CDC42BPA: variants seen among roughly 807,000 people sequenced by gnomAD.
The protein encoded by CDC42BPA is serine/threonine-protein kinase MRCK alpha.
CDC42BPA carries 80 observed loss-of-function variants against 223.5 expected under a neutral mutation model. That is an observed-to-expected ratio of 0.36 (90% CI 0.30 to 0.43). CDC42BPA has a LOEUF of 0.43. Ranked by LOEUF, CDC42BPA falls within the 20% of genes least tolerant of loss-of-function variation. The pLI, the probability that CDC42BPA is intolerant of heterozygous loss-of-function variation, is 1.00. For missense variants in CDC42BPA, 1,743 were observed against 2,099.9 expected, an observed-to-expected ratio of 0.83 and a Z score of 3.32; for synonymous variants, 694 against 718.6, an observed-to-expected ratio of 0.97 and a Z score of 0.55.
intron 16 of CDC42BPA, among the ~76,000 whole-genome samples, chr1:227,088,178 C>T (rs1223031961): frequency 6.6e-6 from 1 of 152,150 alleles, no homozygotes; most frequent in Non-Finnish European, 1.5e-5. Context: ...AGTAGTTTAA[C>T]CCTTCTTTGA....
chr1:227,224,302 C>A (rs1676470898), intron 2 of CDC42BPA, among the ~76,000 whole-genome samples: 1 of 150,948 alleles, frequency 6.6e-6, no homozygotes, highest in South Asian at 2.1e-4. Flanking sequence ...GGTGCAGTCT[C>A]AGCTCACTGC....
At chr1:227,131,158 T>C (rs1657025607) in intron 10 of CDC42BPA, among the ~76,000 whole-genome samples, 1 of 152,164 alleles carries the variant, frequency 6.6e-6, no homozygotes, top group African/African-American at 2.4e-5. Flanking sequence ...AAATAGATAA[T>C]CCATCTAACA....
intron 1 of CDC42BPA, among the ~76,000 whole-genome samples, chr1:227,272,485 T>C (rs1686120912): frequency 6.6e-6 from 1 of 152,218 alleles, no homozygotes. Context: ...GAAATATATG[T>C]AATCTATGAT....
In CDC42BPA at chr1:227,112,387, T is replaced by C. The variant is rs1343100180; in HGVS notation, c.1926A>G (p.Ala642=). 3 of 1,607,014 alleles carry C rather than the reference T, an allele frequency of 1.9e-6. No individual in the cohort carries two copies. Among genetic ancestry groups the C allele is most frequent in the Admixed American group, 1.7e-5 (1 of 58,690 alleles). ...GTTCACGTAGCTTCCTGTCTTTAGA[T>C]GCTTCAGCAGCTAGAGCTTCTGTAT... The part of the protein sequence containing the change: ...EVHTEALAAE[A]SKDRKLREQS... The change falls in exon 14 of 37, where the codon GCA becomes GCG. Residue 642 remains alanine, a synonymous_variant. Transcript: ENST00000366766.
At chr1:227,053,340 GTAT>G (rs1673922311) in intron 21 of CDC42BPA, among the ~76,000 whole-genome samples, 1 of 152,154 alleles carries the variant, frequency 6.6e-6, no homozygotes, top group Non-Finnish European at 1.5e-5. Flanking sequence ...GCATGGAAAG[GTAT>G]TCTGGTAACC....
At chr1:227,010,072 C>A (rs1274041034) in intron 34 of CDC42BPA, among the ~76,000 whole-genome samples, 1 of 151,998 alleles carries the variant, frequency 6.6e-6, no homozygotes, top group Admixed American at 6.6e-5. Context: ...AGAAAATGTT[C>A]CCTTGAAGTT....
intron 23 of CDC42BPA, among the ~76,000 whole-genome samples, chr1:227,045,364 TC>T (rs1273624759): frequency 6.6e-6 from 1 of 152,240 alleles, no homozygotes; most frequent in African/African-American, 2.4e-5. Context: ...GTGGATGTGA[TC>T]TTTTTTAAAT....
intron 21 of CDC42BPA, among the ~76,000 whole-genome samples, chr1:227,060,064 C>T (rs1487801787): frequency 1.5e-5 from 2 of 136,434 alleles, no homozygotes; most frequent in African/African-American, 5.6e-5. Context: ...GGGAGTCTCG[C>T]TCTGTCGCCC....
At chr1:227,187,680 C>CA (rs1553383569) in intron 5 of CDC42BPA, among the ~76,000 whole-genome samples, 3 of 4,436 alleles carry the variant, frequency 6.8e-4, no homozygotes, top group Admixed American at 6.2e-3. Context: ...GCACCCCCCA[C>CA]CCCCCCCCCA....
rs927995844 is a variant in CDC42BPA, at chr1:227,031,906, A to G, written c.3559-392T>C. ...TCTGTTAACATCGTCATGATTTAGG[A>G]TGTACTGTCATTATATCCTTATTTT... On this transcript the variant is annotated intron_variant, in intron 27 of 36. Transcript: ENST00000366766. Among the ~76,000 whole-genome samples the G allele has an allele frequency of 3.3e-5, 5 of 152,308 alleles. No individual in the cohort carries two copies. In the East Asian group the frequency reaches 9.6e-4, roughly 29 times the overall value.
chr1:227,132,290 C>T (rs1381244483), intron 10 of CDC42BPA, among the ~76,000 whole-genome samples: 2 of 152,336 alleles, frequency 1.3e-5, no homozygotes, highest in East Asian at 3.9e-4. Context: ...GCCGCCACAC[C>T]TGACTGGTTT....
chr1:227,053,237 A>C (rs1050213757), intron 21 of CDC42BPA, among the ~76,000 whole-genome samples: 2 of 152,214 alleles, frequency 1.3e-5, no homozygotes, highest in Non-Finnish European at 2.9e-5. Flanking sequence ...AATTTAAAAC[A>C]TCTGGCAAGT....
At chr1:227,032,638 T>C (rs1466916936) in intron 27 of CDC42BPA, among the ~76,000 whole-genome samples, 2 of 152,182 alleles carry the variant, frequency 1.3e-5, no homozygotes, top group Non-Finnish European at 2.9e-5. Context: ...AGGGTTATTA[T>C]ACCTGTTTTG....
intron 34 of CDC42BPA, chr1:227,011,120 C>T (rs1462302853): frequency 1.0e-6 from 1 of 979,900 alleles, no homozygotes; most frequent in East Asian, 6.3e-5. Flanking sequence ...AATGGATTCA[C>T]ATTTCACAAA....
chr1:227,045,639 T>C (rs1435145523), intron 23 of CDC42BPA, among the ~76,000 whole-genome samples: 1 of 152,276 alleles, frequency 6.6e-6, no homozygotes, highest in African/African-American at 2.4e-5. Flanking sequence ...TTCTACCTGA[T>C]TTTTTGCAAT....
chr1:227,095,062 T>C (rs1017952607), intron 15 of CDC42BPA, among the ~76,000 whole-genome samples: 1 of 152,220 alleles, frequency 6.6e-6, no homozygotes, highest in Non-Finnish European at 1.5e-5. Context: ...CCTGATTTTA[T>C]TGAAAATAAC....
intron 10 of CDC42BPA, among the ~76,000 whole-genome samples, chr1:227,132,564 A>G (rs1365699211): frequency 3.5e-5 from 5 of 142,114 alleles, no homozygotes; most frequent in South Asian, 2.2e-4. Context: ...CCGTCTGGGA[A>G]GTGAGGAGCG....
chr1:227,186,307 C>A (rs1218058812), intron 5 of CDC42BPA, among the ~76,000 whole-genome samples: 2 of 152,214 alleles, frequency 1.3e-5, no homozygotes, highest in South Asian at 2.1e-4. Flanking sequence ...AAGAGAATAT[C>A]TGCTGCATTC....
intron 21 of CDC42BPA, among the ~76,000 whole-genome samples, chr1:227,062,171 T>A (rs1194268273): frequency 6.6e-6 from 1 of 152,210 alleles, no homozygotes; most frequent in African/African-American, 2.4e-5. Flanking sequence ...CTCACCCTTT[T>A]TGTTTGCCAA....
Sources: gnomAD v4.1 joint callset for allele counts (sites outside exome capture counted in the v4.1 genomes callset) on GRCh38, gnomAD v4.1.1 for gene constraint, MANE v1.5 for transcripts, NCBI Gene and HGNC (gene_info 2026-07-23, HGNC 2026-07-21) for gene names.